LRRC7: variants seen among roughly 807,000 people sequenced by gnomAD.
The protein encoded by LRRC7 is leucine-rich repeat-containing protein 7.
In LRRC7, 23 loss-of-function variants were observed where a neutral mutation model predicts 175.7. The ratio of observed to expected loss-of-function variants is 0.13; its 90% CI spans 0.09 to 0.19. The LOEUF (loss-of-function observed/expected upper bound fraction) is 0.19. Ranked by LOEUF, LRRC7 falls within the 10% of genes least tolerant of loss-of-function variation. LRRC7 has a pLI of 1.00. For synonymous variants in LRRC7, 685 were observed against 680.9 expected (o/e 1.01, Z -0.09); for missense variants, 1,354 against 1,904.7 (o/e 0.71, Z 5.38).
chr1:69,834,704 T>C, intron 5 of LRRC7, 76 bp from the exon 6 acceptor site: 1 of 1,066,122 alleles, frequency 9.4e-7, no homozygotes, highest in Non-Finnish European at 1.4e-6. Flanking sequence ...TTTTTTCTCC[T>C]CAGAGATACA....
At chr1:69,995,625 G>T (rs1273850110) in intron 11 of LRRC7, among the ~76,000 whole-genome samples, 2 of 145,986 alleles carry the variant, frequency 1.4e-5, no homozygotes, top group Non-Finnish European at 3.0e-5. Context: ...CATTGTTCAA[G>T]TCCCACCTAT....
chr1:69,803,744 C>T (rs984279880), intron 4 of LRRC7, among the ~76,000 whole-genome samples: 4 of 151,168 alleles, frequency 2.6e-5, no homozygotes, highest in African/African-American at 9.7e-5. Flanking sequence ...TCATAAATTA[C>T]AATCTAATTA....
At chr1:70,074,655 A>G (rs1662644011) in intron 23 of LRRC7, among the ~76,000 whole-genome samples, 1 of 152,224 alleles carries the variant, frequency 6.6e-6, no homozygotes, top group South Asian at 2.1e-4. Flanking sequence ...TTTCAAATGT[A>G]AACAATTGTA....
chr1:69,630,405 G>C (rs1652298143), intron 1 of LRRC7, among the ~76,000 whole-genome samples: 1 of 152,052 alleles, frequency 6.6e-6, no homozygotes, highest in Non-Finnish European at 1.5e-5. Flanking sequence ...GTGTTTAAAG[G>C]CATGATACTT....
chr1:69,665,886 A>G (rs1196496799), intron 1 of LRRC7, among the ~76,000 whole-genome samples: 1 of 151,910 alleles, frequency 6.6e-6, no homozygotes, highest in African/African-American at 2.4e-5. Context: ...GAAAGTGGAC[A>G]TCTTTGTTGT....
Position 70,028,342 on chromosome 1 carries a change from C to T in LRRC7, c.1966C>T (p.Pro656Ser). The change falls in exon 18 of 27, where the codon CCG becomes TCG. Residue 656 changes from proline (P) to serine (S), a missense_variant. Pro to Ser is a moderately conservative substitution (Grantham distance 74, BLOSUM62 -1). Coordinates refer to ENST00000651989, the MANE Select transcript of LRRC7 (RefSeq NM_001370785.2). Reference sequence around the variant, plus strand: ...GAAAGAAAAATATGAACACAAGTGGCCGGTAGCCCCAAAGGAGATTACAGT... The same window carrying T: ...GAAAGAAAAATATGAACACAAGTGGTCGGTAGCCCCAAAGGAGATTACAGT... ...TVKEKYEHKW[P>S]VAPKEITVED... 1.2e-6 allele frequency: 2 copies of T among 1,613,406 alleles called. No individual in the cohort carries two copies. The highest frequency in any genetic ancestry group is 1.7e-5 in the Admixed American group (1 of 59,980).
intron 7 of LRRC7, among the ~76,000 whole-genome samples, chr1:69,930,620 A>G (rs577199450): frequency 5.9e-5 from 9 of 152,296 alleles, no homozygotes; most frequent in African/African-American, 1.9e-4. Context: ...ACTCTTGCCC[A>G]AGGTTTGTGT....
intron 2 of LRRC7, among the ~76,000 whole-genome samples, chr1:69,732,959 G>A (rs577257991): frequency 7.3e-4 from 111 of 152,162 alleles, no homozygotes; most frequent in Admixed American, 1.6e-3. Flanking sequence ...CCAGGCAAAT[G>A]TGATAGGGAT....
rs1456845229 is a variant in LRRC7 at position 69,884,375 on chromosome 1, C to G, written c.647+46092C>G. ...CCTAGGTATTTTATTCTCTTTGAAG[C>G]AATTGTGAATGGGAGTTCACTCATG... On this transcript the variant is annotated intron_variant, in intron 7 of 26. Transcript: ENST00000651989. Among the ~76,000 whole-genome samples, 7 of 94,060 alleles carry G rather than the reference C, an allele frequency of 7.4e-5. 3 individuals are homozygous for G. In the East Asian group the frequency reaches 3.0e-3, roughly 40 times the overall value. The allele number at this position is 94,060 out of a possible 152,430, so 61.7% of individuals were successfully genotyped here.
At chr1:69,687,616 G>T (rs1244218377) in intron 2 of LRRC7, among the ~76,000 whole-genome samples, 3 of 149,838 alleles carry the variant, frequency 2.0e-5, no homozygotes, top group African/African-American at 7.4e-5. Context: ...ATATTTTTCT[G>T]AAATCAACCT....
chr1:70,100,915 A>G (rs544413913), intron 25 of LRRC7, among the ~76,000 whole-genome samples: 2 of 152,296 alleles, frequency 1.3e-5, no homozygotes, highest in Admixed American at 6.5e-5. Flanking sequence ...AACTTGATGC[A>G]TAGCAATTAA....
At chr1:69,583,081 AATTTT>A (rs1314819900) in intron 1 of LRRC7, among the ~76,000 whole-genome samples, 1 of 151,816 alleles carries the variant, frequency 6.6e-6, no homozygotes, top group Non-Finnish European at 1.5e-5. Flanking sequence ...TATAAAATAA[AATTTT>A]ATTTTTTTAT....
Position 69,812,799 on chromosome 1 carries a change from A to T in LRRC7, c.422-12949A>T, listed in dbSNP as rs751889162. ...ATTTATACAAAAATTTATAAGAAAC[A>T]ATTTTTATGCACTTGAGAGAACACT... On this transcript the variant is annotated intron_variant, in intron 4 of 26. Coordinates refer to ENST00000651989, the MANE Select transcript of LRRC7 (RefSeq NM_001370785.2). Among the ~76,000 whole-genome samples, 54 of 152,100 alleles carry T rather than the reference A, an allele frequency of 3.6e-4. 2 individuals are homozygous for T. The highest frequency in any genetic ancestry group is 2.0e-4 in the Admixed American group (3 of 15,240).
chr1:69,720,631 T>A (rs1666244946), intron 2 of LRRC7, among the ~76,000 whole-genome samples: 2 of 146,110 alleles, frequency 1.4e-5, no homozygotes, highest in African/African-American at 5.0e-5. Context: ...CTTTCTGTGT[T>A]TATTTCTCTG....
chr1:70,020,427 C>T (rs1657364861), intron 15 of LRRC7, among the ~76,000 whole-genome samples: 1 of 152,002 alleles, frequency 6.6e-6, no homozygotes, highest in Non-Finnish European at 1.5e-5. Context: ...AAGCTCCCCT[C>T]ATTGACCCCA....
intron 17 of LRRC7, among the ~76,000 whole-genome samples, chr1:70,027,594 T>C (rs534495859): frequency 1.3e-5 from 2 of 152,248 alleles, no homozygotes; most frequent in Non-Finnish European, 2.9e-5. Context: ...CTGAAGCATT[T>C]TTTCCCCTTA....
chr1:70,093,877 G>A (rs17131195), intron 25 of LRRC7, among the ~76,000 whole-genome samples: 1 of 152,048 alleles, frequency 6.6e-6, no homozygotes. Context: ...ATTTCCACAG[G>A]ATGTTGTTAG....
intron 7 of LRRC7, among the ~76,000 whole-genome samples, chr1:69,855,993 T>A (rs1683565915): frequency 6.6e-6 from 1 of 152,148 alleles, no homozygotes; most frequent in Non-Finnish European, 1.5e-5. Context: ...TCTTCCTCCA[T>A]CCCTTTATTT....
chr1:69,843,063 G>T (rs1271604513), intron 7 of LRRC7, among the ~76,000 whole-genome samples: 2 of 152,082 alleles, frequency 1.3e-5, no homozygotes, highest in East Asian at 3.9e-4. Flanking sequence ...GCTAGGCATG[G>T]TGGCATACAC....
Sources: gnomAD v4.1 joint callset for allele counts (sites outside exome capture counted in the v4.1 genomes callset) on GRCh38, gnomAD v4.1.1 for gene constraint, MANE v1.5 for transcripts, NCBI Gene and HGNC (gene_info 2026-07-23, HGNC 2026-07-21) for gene names.